Variants in MRTFB observed in about 807,000 individuals in gnomAD.
The protein encoded by MRTFB is myocardin-related transcription factor B.
Under a neutral mutation model 104.2 loss-of-function variants are expected in MRTFB, and 29 were observed. The ratio of observed to expected loss-of-function variants is 0.28; its 90% CI spans 0.21 to 0.38. MRTFB has a LOEUF of 0.38. Ranked by LOEUF, MRTFB falls within the 10% of genes least tolerant of loss-of-function variation. The pLI is 1.00. For synonymous variants in MRTFB, 535 were observed against 519.5 expected (o/e 1.03, Z -0.41); for missense variants, 1,270 against 1,341.6 (o/e 0.95, Z 0.83).
chr16:14,134,721 C>T (rs1375061568), intron 2 of MRTFB, among the ~76,000 whole-genome samples: 1 of 152,222 alleles, frequency 6.6e-6, no homozygotes, highest in Non-Finnish European at 1.5e-5. Context: ...CATCACCCCA[C>T]TCCCCAACAT....
the MRTFB span, among the ~76,000 whole-genome samples, chr16:14,046,092 C>A: frequency 6.6e-6 from 1 of 152,144 alleles, no homozygotes; most frequent in South Asian, 2.1e-4. Context: ...CTTGGAATCA[C>A]CCAGTGTGAC....
chr16:14,007,409 G>C, the MRTFB span, among the ~76,000 whole-genome samples: 1 of 152,166 alleles, frequency 6.6e-6, no homozygotes, highest in East Asian at 1.9e-4. Context: ...GCAGGGATCA[G>C]TTCTTCATTA....
intron 8 of MRTFB, among the ~76,000 whole-genome samples, chr16:14,227,182 C>T (rs539108039): frequency 4.7e-4 from 72 of 152,164 alleles, no homozygotes; most frequent in African/African-American, 1.6e-3. Flanking sequence ...GGGATGCATT[C>T]GGGTCATGGG....
intron 2 of MRTFB, among the ~76,000 whole-genome samples, chr16:14,105,930 T>G (rs2035950806): frequency 6.6e-6 from 1 of 152,194 alleles, no homozygotes; most frequent in African/African-American, 2.4e-5. Context: ...TTTCCTAGTA[T>G]TATAAGGAGC....
Position 14,251,961 on chromosome 16 carries a change from G to T in MRTFB, c.2503G>T (p.Val835Phe), listed in dbSNP as rs956639183. The change falls in exon 14 of 17, where the codon GTT becomes TTT. Residue 835 changes from valine (V) to phenylalanine (F), a missense_variant. Val to Phe is a conservative substitution (Grantham distance 50, BLOSUM62 -1). Transcript: ENST00000571589. ...CTTTATCAATAAGGCCTCCAACAGTGTTCTTCAATCCAGAAATGCTCCGCT... is the reference window on the plus strand; with the variant it reads ...CTTTATCAATAAGGCCTCCAACAGTTTTCTTCAATCCAGAAATGCTCCGCT... ...QPFINKASNS[V>F]LQSRNAPLPS... The T allele has an allele frequency of 1.9e-6, 3 of 1,614,070 alleles. No homozygotes were observed. Among genetic ancestry groups the T allele is most frequent in the Non-Finnish European group, 2.5e-6 (3 of 1,180,032 alleles).
chr16:14,188,002 A>G (rs1376782490), intron 3 of MRTFB, among the ~76,000 whole-genome samples: 1 of 152,206 alleles, frequency 6.6e-6, no homozygotes, highest in Non-Finnish European at 1.5e-5. Context: ...TGTAGAGTTA[A>G]TTGGTCTAAG....
the MRTFB span, among the ~76,000 whole-genome samples, chr16:14,001,364 G>T: frequency 6.6e-6 from 1 of 152,168 alleles, no homozygotes; most frequent in Non-Finnish European, 1.5e-5. Context: ...GGATACAGGG[G>T]TTCTGGCATC....
chr16:14,002,046 C>T, the MRTFB span, among the ~76,000 whole-genome samples: 3 of 152,300 alleles, frequency 2.0e-5, no homozygotes, highest in Non-Finnish European at 4.4e-5. Context: ...TGGTTGCTCT[C>T]GCTCGCTGTA....
At chr16:14,186,403 A>G (rs904548092) in intron 3 of MRTFB, among the ~76,000 whole-genome samples, 2 of 152,228 alleles carry the variant, frequency 1.3e-5, no homozygotes, top group African/African-American at 4.8e-5. Context: ...TGTCTGGTCA[A>G]TATAAAGTAT....
chr16:14,239,505 C>T (rs1295727783), intron 9 of MRTFB, among the ~76,000 whole-genome samples: 2 of 152,086 alleles, frequency 1.3e-5, no homozygotes, highest in African/African-American at 2.4e-5. Context: ...GCAATACTTT[C>T]GTATATTTTC....
Position 14,247,296 on chromosome 16 carries a change from T to C in MRTFB, c.2036T>C (p.Val679Ala). 1 of 1,614,150 alleles carries C rather than the reference T, an allele frequency of 6.2e-7. No individual in the cohort carries two copies. The stretch of plus-strand genomic sequence containing the variant: ...ACCCTTGTTGCCAAAAAGGCTGTAG[T>C]TATCAAGCAAGAGGTCCCTGTGGGC... ...GQTLVAKKAV[V>A]IKQEVPVGQA... Residue 679 changes from valine to alanine, a missense_variant, in exon 12 of 17, where the codon GTT becomes GCT. Around this residue, in one of 3 missense-constraint regions of MRTFB, gnomAD observed 1,144 missense variants for 1,131.5 expected, o/e 1.01. Coordinates refer to ENST00000571589, the MANE Select transcript of MRTFB (RefSeq NM_001308142.2).
intron 5 of MRTFB, among the ~76,000 whole-genome samples, chr16:14,212,696 G>C (rs2041244839): frequency 6.6e-6 from 1 of 152,140 alleles, no homozygotes; most frequent in Non-Finnish European, 1.5e-5. Context: ...CATAACAACA[G>C]TTTTTAGAGG....
chr16:13,998,880 A>AAG, the MRTFB span, among the ~76,000 whole-genome samples: 1 of 86,632 alleles, frequency 1.2e-5, no homozygotes, highest in African/African-American at 8.8e-5. Context: ...TCAAAAAAAA[A>AAG]AAAAAAAAAA....
At chr16:14,225,202 A>G (rs1173649738) in intron 8 of MRTFB, among the ~76,000 whole-genome samples, 1 of 152,214 alleles carries the variant, frequency 6.6e-6, no homozygotes, top group East Asian at 1.9e-4. Context: ...GAAAAAAGAA[A>G]AAGATAATAC....
intron 3 of MRTFB, among the ~76,000 whole-genome samples, chr16:14,201,579 C>T (rs2040706433): frequency 6.6e-6 from 1 of 152,154 alleles, no homozygotes; most frequent in African/African-American, 2.4e-5. Flanking sequence ...TGTAAGAAGT[C>T]ATCTACTTAA....
At chr16:14,066,524 CGGCCTCCCAAAGT>C (rs922327513), upstream of MRTFB, among the ~76,000 whole-genome samples, 21 of 152,102 alleles carry the variant, frequency 1.4e-4, no homozygotes, top group African/African-American at 4.8e-4. Context: ...CTGCCCACCT[CGGCCTCCCAAAGT>C]GCTGGGATTA....
At chr16:14,138,319 C>T (rs1296239501) in intron 2 of MRTFB, among the ~76,000 whole-genome samples, 1 of 152,126 alleles carries the variant, frequency 6.6e-6, no homozygotes, top group African/African-American at 2.4e-5. Context: ...TACATGTTTA[C>T]TATTCCTGAT....
intron 1 of MRTFB, among the ~76,000 whole-genome samples, chr16:14,077,719 G>T (rs1345718768): frequency 6.6e-6 from 1 of 152,094 alleles, no homozygotes; most frequent in Non-Finnish European, 1.5e-5. Context: ...GGGATTAAAA[G>T]AGAAAACGTG....
chr16:14,151,209 A>C (rs1156323685), intron 3 of MRTFB: 2 of 152,176 alleles, frequency 1.3e-5, no homozygotes, highest in Non-Finnish European at 2.9e-5. Context: ...TGTGTATGTA[A>C]GTTTTGGTAA....
Sources: allele counts gnomAD v4.1 joint callset (sites outside exome capture counted in the v4.1 genomes callset), GRCh38; gene constraint gnomAD v4.1.1; regional missense constraint gnomAD v4.1.1; transcripts MANE v1.5; gene names NCBI Gene and HGNC (gene_info 2026-07-23, HGNC 2026-07-21).